The following SYT1 variants were observed in gnomAD, a reference collection of about 807,000 sequenced individuals.
SYT1 encodes synaptotagmin-1.
SYT1 carries 8 observed loss-of-function variants against 44.8 expected under a neutral mutation model. That is an observed-to-expected ratio of 0.18 (90% CI 0.10 to 0.32). The LOEUF is 0.32. Among genes scored for constraint, SYT1 ranks in the 10% least tolerant of loss-of-function variants. The pLI, the probability that SYT1 is intolerant of heterozygous loss-of-function variation, is 1.00. For synonymous variants in SYT1, 154 were observed against 188.8 expected (o/e 0.82, Z 1.51); for missense variants, 286 against 509.3 (o/e 0.56, Z 4.22).
chr12:79,254,461 A>C (rs560116145), intron 4 of SYT1, among the ~76,000 whole-genome samples: 1 of 152,334 alleles, frequency 6.6e-6, no homozygotes, highest in South Asian at 2.1e-4. Flanking sequence ...ACAGTCACCC[A>C]AGAGCTCTGA....
intron 1 of SYT1, among the ~76,000 whole-genome samples, chr12:78,872,172 A>G (rs971531351): frequency 4.6e-5 from 7 of 151,972 alleles, no homozygotes; most frequent in Admixed American, 2.6e-4. Flanking sequence ...GTACAAAGCC[A>G]ACATACCCTT....
At chr12:79,372,924 T>G (rs946984393) in intron 9 of SYT1, among the ~76,000 whole-genome samples, 15 of 152,156 alleles carry the variant, frequency 9.9e-5, no homozygotes, top group Non-Finnish European at 1.9e-4. Flanking sequence ...GAACATTATC[T>G]CTCCACTTTT....
chr12:79,248,991 G>A lies in SYT1; in HGVS notation c.166+31306G>A, dbSNP rs560440246. 7.9e-5 allele frequency among the ~76,000 whole-genome samples: 12 copies of A among 151,570 alleles called. No homozygotes were observed. In the South Asian group the frequency reaches 1.2e-3, roughly 16 times the overall value. ...ATGTGTTTTAGCTATTTTTGACTCCGGAGCATGTTTCATCTCCCAGGCATA... is the reference window on the plus strand; with the variant it reads ...ATGTGTTTTAGCTATTTTTGACTCCAGAGCATGTTTCATCTCCCAGGCATA... On this transcript the variant is annotated intron_variant, in intron 4 of 10. Transcript: ENST00000261205.
intron 1 of SYT1, among the ~76,000 whole-genome samples, chr12:78,878,128 T>C (rs990775940): frequency 4.6e-5 from 7 of 151,734 alleles, no homozygotes; most frequent in African/African-American, 1.5e-4. Flanking sequence ...GGGGTTGATA[T>C]ATTGCACTCT....
chr12:78,981,949 A>G (rs920724089), intron 2 of SYT1, among the ~76,000 whole-genome samples: 3 of 152,156 alleles, frequency 2.0e-5, no homozygotes, highest in African/African-American at 4.8e-5. Context: ...ATGGAGGGCT[A>G]GGAGTGTGGA....
chr12:79,175,376 TCA>T (rs1871795066), intron 3 of SYT1, among the ~76,000 whole-genome samples: 2 of 152,124 alleles, frequency 1.3e-5, no homozygotes, highest in African/African-American at 4.8e-5. Context: ...GTATTTAGTC[TCA>T]GTTTGTCTGT....
intron 4 of SYT1, among the ~76,000 whole-genome samples, chr12:79,258,115 GA>G (rs5799423): frequency 0.8 from 121,358 of 152,168 alleles, 49,289 homozygotes; most frequent in African/African-American, 0.95. Flanking sequence ...CAATAAACAA[GA>G]ATATCTCATT....
chr12:79,300,823 A>ATATATATT, intron 8 of SYT1, among the ~76,000 whole-genome samples: 1 of 129,272 alleles, frequency 7.7e-6, no homozygotes, highest in Non-Finnish European at 1.6e-5. Flanking sequence ...ATATATATAT[A>ATATATATT]TTTACTGTCT....
chr12:79,445,992 TATATATATATATATATA>T, intron 10 of SYT1, among the ~76,000 whole-genome samples: 1 of 31,462 alleles, frequency 3.2e-5, no homozygotes, highest in African/African-American at 1.5e-4. Context: ...TCCAAAGACA[TATATATATATATATATA>T]TATATATATA....
intron 1 of SYT1, among the ~76,000 whole-genome samples, chr12:78,957,339 T>C (rs1879265475): frequency 6.6e-6 from 1 of 152,156 alleles, no homozygotes; most frequent in Admixed American, 6.6e-5. Flanking sequence ...AAGAAGTAGT[T>C]ACTTTTTTTC....
At position 79,181,181 on chromosome 12, in the gene SYT1, A is replaced by G. The variant is rs905002356; in HGVS notation, c.-17-36322A>G. ...TAACACTGTGAGAATGGACTAATCC[A>G]TCGTCCATTGTAATCCATTGTAAAC... On this transcript the variant is annotated intron_variant, in intron 3 of 10. Transcript: ENST00000261205. Among the ~76,000 whole-genome samples the G allele has an allele frequency of 3.3e-5, 5 of 152,076 alleles. No individual in the cohort carries two copies. The South Asian group carries it at 8.3e-4, about 25-fold the overall frequency.
intron 4 of SYT1, among the ~76,000 whole-genome samples, chr12:79,233,853 A>G (rs890890126): frequency 6.6e-6 from 1 of 152,208 alleles, no homozygotes; most frequent in African/African-American, 2.4e-5. Flanking sequence ...CCAGTGCTGC[A>G]ATTACAGGAA....
chr12:78,994,726 G>A (rs1471949971), intron 2 of SYT1, among the ~76,000 whole-genome samples: 3 of 151,548 alleles, frequency 2.0e-5, no homozygotes, highest in African/African-American at 4.8e-5. Context: ...TAGTAGATAC[G>A]GGGTTTCACC....
At chr12:78,976,087 T>C (rs899279274) in intron 1 of SYT1, among the ~76,000 whole-genome samples, 5 of 152,186 alleles carry the variant, frequency 3.3e-5, no homozygotes, top group Non-Finnish European at 7.3e-5. Flanking sequence ...GGAAGAATCT[T>C]TCCTCACTAA....
chr12:78,953,902 AT>A (rs576396601), intron 1 of SYT1, among the ~76,000 whole-genome samples: 4 of 151,770 alleles, frequency 2.6e-5, no homozygotes, highest in African/African-American at 7.3e-5. Context: ...CTATCCAAAT[AT>A]TTTTTTTAAA....
intron 1 of SYT1, among the ~76,000 whole-genome samples, chr12:78,932,742 G>T (rs1184300569): frequency 6.6e-6 from 1 of 151,996 alleles, no homozygotes; most frequent in Non-Finnish European, 1.5e-5. Flanking sequence ...TTTAACTCTT[G>T]TCAATTTGTA....
intron 1 of SYT1, among the ~76,000 whole-genome samples, chr12:78,944,062 T>C (rs1565729930): frequency 6.6e-6 from 1 of 152,142 alleles, no homozygotes; most frequent in Non-Finnish European, 1.5e-5. Context: ...CTTTTGGTTG[T>C]ATATATTGAT....
intron 3 of SYT1, among the ~76,000 whole-genome samples, chr12:79,121,004 C>A (rs1454639930): frequency 6.6e-6 from 1 of 150,576 alleles, no homozygotes; most frequent in East Asian, 1.9e-4. Context: ...CACACATATT[C>A]GTGTACATAT....
intron 2 of SYT1, among the ~76,000 whole-genome samples, chr12:78,989,114 A>T (rs1008455807): frequency 6.6e-6 from 1 of 152,088 alleles, no homozygotes; most frequent in African/African-American, 2.4e-5. Flanking sequence ...ATTTATTCTG[A>T]TGGGGAAGAC....
Sources: gnomAD v4.1 joint callset for allele counts (sites outside exome capture counted in the v4.1 genomes callset) on GRCh38, gnomAD v4.1.1 for gene constraint, MANE v1.5 for transcripts, NCBI Gene and HGNC (gene_info 2026-07-23, HGNC 2026-07-21) for gene names.